HSPG2: variants seen among roughly 807,000 people sequenced by gnomAD.
HSPG2 encodes heparan sulfate proteoglycan 2.
HSPG2 carries 278 observed loss-of-function variants against 526.6 expected under a neutral mutation model. The observed-to-expected ratio is 0.53, with a 90% CI of 0.48 to 0.58. The LOEUF (loss-of-function observed/expected upper bound fraction) is 0.58. HSPG2 is among the 20% of genes least tolerant of loss of function. HSPG2 has a pLI of 0.00. For synonymous variants in HSPG2, 2,465 were observed against 2,555.4 expected (o/e 0.96, Z 1.07); for missense variants, 5,354 against 6,099.5 (o/e 0.88, Z 4.07).
In HSPG2 at chr1:21,873,226, A is replaced by G. The variant is rs143259269; in HGVS notation, c.3794-135T>C. ...TCAACACTCTCACGACAGCCCTCGG[A>G]GGTGGTGGGGCCTTCTCCTATCCCC... On this transcript the variant is annotated intron_variant, in intron 30 of 96. Coordinates refer to ENST00000374695, the MANE Select transcript of HSPG2 (RefSeq NM_005529.7). The G allele has an allele frequency of 5.6e-4, 641 of 1,152,892 alleles. 11 individuals are homozygous for G. In the African/African-American group the frequency reaches 8.2e-3, roughly 15 times the overall value. The allele number at this position is 1,152,892 out of a possible 1,614,324, so 71.4% of individuals were successfully genotyped here.
intron 39 of HSPG2, 75 bp downstream of exon 39, chr1:21,861,682 A>C: frequency 7.4e-7 from 1 of 1,349,456 alleles, no homozygotes; most frequent in Non-Finnish European, 1.1e-6. Flanking sequence ...TTTCTGAGCA[A>C]CACCCTTTAA....
Position 21,839,041 on chromosome 1 carries a change from C to A in HSPG2, c.9934G>T (p.Ala3312Ser). 1.3e-6 allele frequency: 2 copies of A among 1,599,278 alleles called. No homozygotes were observed. The highest frequency in any genetic ancestry group is 2.3e-5 in the East Asian group (1 of 44,420). The change falls in exon 74 of 97, where the codon GCA (alanine) becomes TCA (serine). Residue 3312 changes from alanine to serine, a missense_variant. Transcript: ENST00000374695. This position sits in a 1 kb window ranked among gnomAD's most constrained non-coding sequence, Gnocchi z 4.5. ...CACTGGAGCTGCACCGTCTCCCCTG[C>A]CTGCACCGAAGCGTGCTCTGGGACC... The part of the protein sequence containing the change: ...TTVPEHASVQ[A>S]GETVQLQCLA...
intron 1 of HSPG2, among the ~76,000 whole-genome samples, chr1:21,919,189 A>G (rs542821171): frequency 2.6e-5 from 4 of 152,302 alleles, no homozygotes; most frequent in Admixed American, 2.0e-4. Flanking sequence ...ACTTTGAGCA[A>G]CCAAGGCTGG....
intron 18 of HSPG2, 25 bp from the exon 19 acceptor site, chr1:21,878,688 A>G (rs1641280672): frequency 6.2e-7 from 1 of 1,600,252 alleles, no homozygotes; most frequent in East Asian, 2.2e-5. Context: ...TGGACAGGGC[A>G]TGGGGCAGGG....
At chr1:21,880,063 C>T (rs761713771) in intron 17 of HSPG2, 44 bp downstream of exon 17, 5 of 1,608,942 alleles carry the variant, frequency 3.1e-6, no homozygotes, top group Admixed American at 1.7e-5. Flanking sequence ...ACACATTGTC[C>T]CTTCTCCTAT....
chr1:21,854,274 C>T lies in HSPG2; in HGVS notation c.6358G>A (p.Glu2120Lys). 6.3e-7 allele frequency: 1 copy of T among 1,579,576 alleles called. No individual in the cohort carries two copies. Residue 2120 changes from glutamate (E) to lysine (K), a missense_variant, in exon 50 of 97, where the codon GAG (glutamate) becomes AAG (lysine). Glu to Lys is a moderately conservative substitution (Grantham distance 56). Coordinates refer to ENST00000374695, the MANE Select transcript of HSPG2 (RefSeq NM_005529.7). ...GCCTCCTTGGGGCCCGATCCATTCT[C>T]CACACGGCACACATATTCTCCAGAA... ...ADSGEYVCRV[E>K]NGSGPKEASI...
In HSPG2 at chr1:21,831,080, T is replaced by C; in HGVS notation, c.11573A>G (p.Gln3858Arg). 6.2e-7 allele frequency: 1 copy of C among 1,601,744 alleles called. No homozygotes were observed. Among genetic ancestry groups the C allele is most frequent in the Non-Finnish European group, 8.5e-7 (1 of 1,174,280 alleles). Reference sequence around the variant, plus strand: ...GCTGCTGCTCTCAGAGTCATGGCACTGACCGCCATTCTGCAAAGCAGCCCC... The same window carrying C: ...GCTGCTGCTCTCAGAGTCATGGCACCGACCGCCATTCTGCAAAGCAGCCCC... ...CRDRPCQNGGQCHDSESSSYV... is the reference protein window; with the variant it reads ...CRDRPCQNGGRCHDSESSSYV... Residue 3858 changes from glutamine to arginine, a missense_variant, in exon 85 of 97, where the codon CAG becomes CGG. Gln to Arg is a conservative substitution (Grantham distance 43). Transcript: ENST00000374695.
chr1:21,891,338 C>G (rs566849673), intron 3 of HSPG2, among the ~76,000 whole-genome samples: 35 of 152,342 alleles, frequency 2.3e-4, no homozygotes, highest in Admixed American at 1.2e-3. Context: ...GCATGTACCA[C>G]CTGGGTTGCT....
chr1:21,847,234 G>T lies in HSPG2; in HGVS notation c.8164+120C>A. ...GGGTAGCCGTAGCCACTGAACCCAC[G>T]CATCTTTCCGCTGGCCCTTGCCTGA... is the stretch of plus-strand genomic sequence containing the variant. On this transcript the variant is annotated intron_variant, in intron 62 of 96. Coordinates refer to ENST00000374695, the MANE Select transcript of HSPG2 (RefSeq NM_005529.7). The surrounding 1 kb of genome is among the most constrained non-coding windows in gnomAD (Gnocchi z 4.1). The T allele has an allele frequency of 1.8e-6, 2 of 1,093,172 alleles. No homozygotes were observed. Among genetic ancestry groups the T allele is most frequent in the Non-Finnish European group, 2.8e-6 (2 of 722,890 alleles). The allele number at this position is 1,093,172 out of a possible 1,614,324, so 67.7% of individuals were successfully genotyped here.
chr1:21,824,843 C>G lies in HSPG2; in HGVS notation c.12590-64G>C. 7.0e-7 allele frequency: 1 copy of G among 1,424,910 alleles called. No homozygotes were observed. The highest frequency in any genetic ancestry group is 9.7e-7 in the Non-Finnish European group (1 of 1,028,900). The allele number at this position is 1,424,910 out of a possible 1,614,324, so 88.3% of individuals were successfully genotyped here. On this transcript the variant is annotated intron_variant, in intron 91 of 96. Transcript: ENST00000374695. The surrounding 1 kb of genome is among the most constrained non-coding windows in gnomAD (Gnocchi z 5.9). The stretch of plus-strand genomic sequence containing the variant: ...CAGGCATCAAAATCCCCCGTCAGTT[C>G]CCCTGACCCCCACCTCCACGCCAAC...
chr1:21,831,452 AG>A lies in HSPG2; in HGVS notation c.11452+10del. On this transcript the variant is annotated intron_variant, in intron 83 of 96. Transcript: ENST00000374695. ...GGCCCAGCCTCAGCTGGAGGTGGGG[AG>A]GGGGCTCACCTATGAAGCCGCTGCT... 6.2e-7 allele frequency: 1 copy of A among 1,612,408 alleles called. No homozygotes were observed. Among genetic ancestry groups the A allele is most frequent in the Non-Finnish European group, 8.5e-7 (1 of 1,178,660 alleles).
rs146327902 is a variant in HSPG2 at position 21,859,768 on chromosome 1, G to A, written c.5182+67C>T. ...AAGGACAGCATCCCACTAGGGCAGG[G>A]ACAGGCCCCTGCCTCCCCTCCCACT... On this transcript the variant is annotated intron_variant, in intron 41 of 96. Transcript: ENST00000374695. This position sits in a 1 kb window ranked among gnomAD's most constrained non-coding sequence, Gnocchi z 5.3. The A allele has an allele frequency of 1.3e-6, 2 of 1,594,210 alleles. No individual in the cohort carries two copies. The highest frequency in any genetic ancestry group is 2.3e-5 in the East Asian group (1 of 44,358).
chr1:21,935,254 T>C (rs1383257385), intron 1 of HSPG2, among the ~76,000 whole-genome samples: 3 of 152,198 alleles, frequency 2.0e-5, no homozygotes, highest in Non-Finnish European at 4.4e-5. Flanking sequence ...GGGGCCAAGC[T>C]CTTTCCAGCC....
chr1:21,873,572 A>C (rs1441174076), intron 29 of HSPG2, 148 bp from the exon 30 acceptor site: 4 of 835,156 alleles, frequency 4.8e-6, no homozygotes, highest in Non-Finnish European at 8.1e-6. Flanking sequence ...GAAACTGGGC[A>C]GAGAAGAGCA....
At chr1:21,843,654 CTTTT>C (rs528103787) in intron 65 of HSPG2, among the ~76,000 whole-genome samples, 1 of 149,366 alleles carries the variant, frequency 6.7e-6, no homozygotes, top group African/African-American at 2.5e-5. Context: ...GTGTCCTTTT[CTTTT>C]TTTTTTGAGA....
At chr1:21,896,716 T>A (rs1357575985) in intron 1 of HSPG2, among the ~76,000 whole-genome samples, 2 of 151,916 alleles carry the variant, frequency 1.3e-5, no homozygotes, top group African/African-American at 4.8e-5. Context: ...GGTGGAAGGC[T>A]GGCCAGGGTC....
chr1:21,823,796 C>T (rs947706266), intron 95 of HSPG2, 77 bp from the exon 96 acceptor site: 2 of 1,119,622 alleles, frequency 1.8e-6, no homozygotes, highest in Non-Finnish European at 2.7e-6. Flanking sequence ...TCCCCTCCCT[C>T]TGATATCGAG....
At chr1:21,830,839 T>C (rs1234815128) in intron 85 of HSPG2, 143 bp downstream of exon 85, 2 of 651,904 alleles carry the variant, frequency 3.1e-6, no homozygotes, top group African/African-American at 3.6e-5. Flanking sequence ...GGGGGATGGG[T>C]ACATGGGAGG....
chr1:21,900,647 G>A (rs947164491), intron 1 of HSPG2, among the ~76,000 whole-genome samples: 1 of 152,142 alleles, frequency 6.6e-6, no homozygotes, highest in Admixed American at 6.5e-5. Context: ...GTACAGATAC[G>A]GAGAGCAGGT....
Sources: allele counts gnomAD v4.1 joint callset (sites outside exome capture counted in the v4.1 genomes callset), GRCh38; gene constraint gnomAD v4.1.1; non-coding constraint Gnocchi (gnomAD v3.1); transcripts MANE v1.5; gene names NCBI Gene and HGNC (gene_info 2026-07-23, HGNC 2026-07-21).